Variants in TFDP2 observed in about 807,000 individuals in gnomAD.
The protein encoded by TFDP2 is transcription factor Dp-2 (E2F dimerization partner 2).
Under a neutral mutation model 59.3 loss-of-function variants are expected in TFDP2, and 17 were observed. The observed-to-expected ratio is 0.29, with a 90% confidence interval of 0.20 to 0.43. TFDP2 has a LOEUF of 0.43. TFDP2 is among the 20% of genes least tolerant of loss of function. TFDP2 has a pLI of 1.00. For synonymous variants in TFDP2, 180 were observed against 194.7 expected, an observed-to-expected ratio of 0.92 and a Z score of 0.63; for missense variants, 391 against 528.8, an observed-to-expected ratio of 0.74 and a Z score of 2.56.
intron 3 of TFDP2, among the ~76,000 whole-genome samples, chr3:142,072,349 T>C (rs1315777171): frequency 6.6e-6 from 1 of 152,214 alleles, no homozygotes; most frequent in Non-Finnish European, 1.5e-5. Flanking sequence ...GAACCAAGAT[T>C]ACATTTTAGT....
chr3:142,027,421 T>C (rs1268341800), intron 3 of TFDP2, among the ~76,000 whole-genome samples: 1 of 152,130 alleles, frequency 6.6e-6, no homozygotes, highest in East Asian at 1.9e-4. Context: ...AAACATCTGT[T>C]GCTTTTTTTC....
At chr3:142,034,668 A>G (rs539260210) in intron 3 of TFDP2, among the ~76,000 whole-genome samples, 11 of 150,990 alleles carry the variant, frequency 7.3e-5, no homozygotes, top group African/African-American at 2.7e-4. Context: ...GGCCTTGCTG[A>G]TCTTACAAAT....
At position 141,948,478 on chromosome 3, in the gene TFDP2, G is replaced by A. The variant is rs1935503730; in HGVS notation, c.*4035C>T. On this transcript the variant is annotated 3_prime_UTR_variant, in exon 13 of 13. Coordinates refer to ENST00000489671, the MANE Select transcript of TFDP2 (RefSeq NM_001178139.2). ...GAATCGCTTGAACCCGGGAGGCAGA[G>A]GTTGCAGTGAGCCGGGATTGCGCCA... 1 of 152,096 alleles carries A rather than the reference G, an allele frequency of 6.6e-6. No individual in the cohort carries two copies. Among genetic ancestry groups the A allele is most frequent in the Admixed American group, 6.6e-5 (1 of 15,246 alleles). 9.4% of individuals were successfully genotyped at this position (152,096 alleles called of 1,614,324 possible).
intron 9 of TFDP2, among the ~76,000 whole-genome samples, chr3:141,969,840 C>T (rs979076488): frequency 1.3e-5 from 2 of 152,162 alleles, no homozygotes; most frequent in African/African-American, 2.4e-5. Context: ...TGCTGCCTGG[C>T]GTAAGTCACA....
At position 142,015,796 on chromosome 3, in the gene TFDP2, T is replaced by A. The variant is rs539438171; in HGVS notation, c.83-10252A>T. On this transcript the variant is annotated intron_variant, in intron 3 of 12. Transcript: ENST00000489671. ...TAATTTAATTTTAATTAACATATTT[T>A]AAAACTAAAGTAAATGAAGTATTTT... Among the ~76,000 whole-genome samples, 5 of 152,350 alleles carry A rather than the reference T, an allele frequency of 3.3e-5. No individual in the cohort carries two copies. The South Asian group carries it at 1.0e-3, about 32-fold the overall frequency.
intron 2 of TFDP2, among the ~76,000 whole-genome samples, chr3:142,094,507 G>A (rs147877018): frequency 0.063 from 9,607 of 151,998 alleles, 358 homozygotes; most frequent in Non-Finnish European, 0.078. Flanking sequence ...GTTTCACCAT[G>A]TTGGCCAGGC....
At chr3:142,038,039 A>G (rs1576799031) in intron 3 of TFDP2, among the ~76,000 whole-genome samples, 2 of 152,120 alleles carry the variant, frequency 1.3e-5, no homozygotes, top group Non-Finnish European at 2.9e-5. Flanking sequence ...TTTATTACCA[A>G]TTTGCTTCCC....
In TFDP2 at chr3:142,061,599, T is replaced by A. The variant is rs533063776; in HGVS notation, c.82+31462A>T. Among the ~76,000 whole-genome samples the A allele has an allele frequency of 3.3e-5, 5 of 152,194 alleles. No homozygotes were observed. The South Asian group carries it at 8.3e-4, about 25-fold the overall frequency. On this transcript the variant is annotated intron_variant, in intron 3 of 12. Coordinates refer to ENST00000489671, the MANE Select transcript of TFDP2 (RefSeq NM_001178139.2). ...AACAGAAGGGAGAATCTGCTTCTGT[T>A]TGAGCTGGACATTCATCTTTTCCTG...
chr3:142,007,882 T>A, intron 3 of TFDP2, among the ~76,000 whole-genome samples: 1 of 152,124 alleles, frequency 6.6e-6, no homozygotes, highest in East Asian at 1.9e-4. Context: ...TGGCTGCAAA[T>A]ACAGATGAAG....
chr3:142,005,591 C>T, intron 3 of TFDP2, 47 bp from the exon 4 acceptor site: 3 of 1,378,028 alleles, frequency 2.2e-6, no homozygotes, highest in Non-Finnish European at 3.0e-6. Flanking sequence ...CATACCAAGG[C>T]CATTTTCTAG....
chr3:142,136,571 T>G (rs1335453793), intron 1 of TFDP2, among the ~76,000 whole-genome samples: 2 of 152,102 alleles, frequency 1.3e-5, no homozygotes, highest in Non-Finnish European at 2.9e-5. Flanking sequence ...ATTTAAGTCT[T>G]TAATCCATCT....
intron 3 of TFDP2, among the ~76,000 whole-genome samples, chr3:142,017,737 G>C (rs1439143161): frequency 2.0e-5 from 3 of 151,538 alleles, no homozygotes; most frequent in African/African-American, 4.9e-5. Context: ...ATTTGTAGTA[G>C]AGACGGGGTT....
chr3:141,982,390 T>C (rs936866948), intron 6 of TFDP2, among the ~76,000 whole-genome samples: 6 of 152,084 alleles, frequency 3.9e-5, no homozygotes, highest in Non-Finnish European at 8.8e-5. Context: ...CTTCTTCTTT[T>C]TTTTTAAAAG....
intron 3 of TFDP2, among the ~76,000 whole-genome samples, chr3:142,035,616 T>C (rs201871841): frequency 3.9e-4 from 59 of 152,336 alleles, no homozygotes; most frequent in African/African-American, 1.4e-3. Flanking sequence ...TTTCGCTGTG[T>C]CCCCACTCAT....
intron 4 of TFDP2, among the ~76,000 whole-genome samples, chr3:142,003,187 C>T (rs1231094156): frequency 3.3e-5 from 5 of 151,988 alleles, no homozygotes; most frequent in Admixed American, 3.3e-4. Context: ...TTTTAGTAGA[C>T]ATGGGGTTTC....
At chr3:141,990,203 A>AT (rs1054332708) in intron 6 of TFDP2, among the ~76,000 whole-genome samples, 8 of 151,910 alleles carry the variant, frequency 5.3e-5, no homozygotes, top group African/African-American at 1.9e-4. Flanking sequence ...CCCTTTAATT[A>AT]TTTTTTATAC....
At chr3:142,137,447 C>T (rs1225181093) in intron 1 of TFDP2, among the ~76,000 whole-genome samples, 1 of 152,144 alleles carries the variant, frequency 6.6e-6, no homozygotes, top group Non-Finnish European at 1.5e-5. Flanking sequence ...AGAGGGCATC[C>T]TTGTCTTGTG....
chr3:142,061,406 A>G (rs1219992931), intron 3 of TFDP2, among the ~76,000 whole-genome samples: 1 of 152,194 alleles, frequency 6.6e-6, no homozygotes, highest in Non-Finnish European at 1.5e-5. Flanking sequence ...AACTTGACTG[A>G]GCTAAAGGAT....
At chr3:141,973,944 T>C (rs1940221909) in intron 8 of TFDP2, 104 bp downstream of exon 8, 1 of 1,343,034 alleles carries the variant, frequency 7.4e-7, no homozygotes, top group African/African-American at 1.5e-5. Flanking sequence ...ATGGTATACA[T>C]GAAAAATTGG....
Sources: gnomAD v4.1 joint callset for allele counts (sites outside exome capture counted in the v4.1 genomes callset) on GRCh38, gnomAD v4.1.1 for gene constraint, MANE v1.5 for transcripts, NCBI Gene and HGNC (gene_info 2026-07-23, HGNC 2026-07-21) for gene names.